The following TIMD4 variants were observed in gnomAD, a reference collection of about 807,000 sequenced individuals.
TIMD4 encodes T-cell immunoglobulin and mucin domain-containing protein 4.
Under a neutral mutation model 41.2 loss-of-function variants are expected in TIMD4, and 31 were observed. That is an observed-to-expected ratio of 0.75 (90% CI 0.57 to 1.01). The LOEUF (loss-of-function observed/expected upper bound fraction) is 1.01, where lower values mean the gene tolerates loss of function less well. Ranked by LOEUF, TIMD4 falls within the 50% of genes least tolerant of loss-of-function variation. TIMD4 has a pLI of 0.00. For synonymous variants in TIMD4, 204 were observed against 177.1 expected (o/e 1.15, Z -1.21); for missense variants, 479 against 472.5 (o/e 1.01, Z -0.13).
intron 5 of TIMD4, among the ~76,000 whole-genome samples, chr5:156,937,677 G>A (rs1036105938): frequency 3.3e-5 from 5 of 152,068 alleles, no homozygotes; most frequent in Admixed American, 6.5e-5. Context: ...ATCTTATTTG[G>A]TTGACATTTC....
intron 5 of TIMD4, among the ~76,000 whole-genome samples, chr5:156,930,747 C>T (rs973087773): frequency 2.0e-5 from 3 of 152,280 alleles, no homozygotes; most frequent in Admixed American, 6.5e-5. Flanking sequence ...AACAAGAATA[C>T]ATTATTTTTC....
rs1759503688 is a variant in TIMD4 at position 156,934,449 on chromosome 5, TTTG to T, written c.845-8140_845-8138del. Among the ~76,000 whole-genome samples, 6 of 146,142 alleles carry T rather than the reference TTTG, an allele frequency of 4.1e-5. No homozygotes were observed. The South Asian group carries it at 1.3e-3, about 30-fold the overall frequency. ...GTGTGTGGTTTTTTTTGTTTGTTTGTTTGTTTTGTTTTGTTTTGTTTTGGTAGA... is the reference window on the plus strand; with the variant it reads ...GTGTGTGGTTTTTTTTGTTTGTTTGTTTTTGTTTTGTTTTGTTTTGGTAGA... On this transcript the variant is annotated intron_variant, in intron 5 of 8. Transcript: ENST00000274532.
intron 6 of TIMD4, chr5:156,924,681 G>A: frequency 1.7e-5 from 3 of 173,528 alleles, no homozygotes; most frequent in Admixed American, 6.2e-5. Context: ...TCTAAAGCCA[G>A]GAAATGTGAG....
intron 7 of TIMD4, among the ~76,000 whole-genome samples, chr5:156,921,501 TCTCAGCTA>T (rs1759237965): frequency 6.6e-6 from 1 of 150,786 alleles, no homozygotes; most frequent in Admixed American, 6.6e-5. Context: ...GAACCTGTAG[TCTCAGCTA>T]CTCAGGAGGC....
chr5:156,924,999 A>G (rs1468227317), intron 6 of TIMD4, among the ~76,000 whole-genome samples: 2 of 152,156 alleles, frequency 1.3e-5, no homozygotes, highest in Non-Finnish European at 2.9e-5. Flanking sequence ...AGTTAAAAAA[A>G]GAAAAAGAGA....
intron 5 of TIMD4, among the ~76,000 whole-genome samples, chr5:156,940,497 G>A (rs544825554): frequency 5.4e-5 from 8 of 148,438 alleles, no homozygotes; most frequent in Non-Finnish European, 8.9e-5. Context: ...CCGCCGCCCC[G>A]TCTAGGAAGT....
chr5:156,960,892 C>A (rs111710253), intron 1 of TIMD4, among the ~76,000 whole-genome samples: 1 of 152,158 alleles, frequency 6.6e-6, no homozygotes, highest in Non-Finnish European at 1.5e-5. Flanking sequence ...AAGGAGGATG[C>A]GAACTCATAG....
At chr5:156,951,908 C>T (rs976970199) in intron 2 of TIMD4, 118 bp from the exon 3 acceptor site, 26 of 1,358,522 alleles carry the variant, frequency 1.9e-5, no homozygotes, top group Admixed American at 7.7e-5. Flanking sequence ...CTGGCCTGGA[C>T]GATTGTAATG....
chr5:156,940,107 C>A (rs1302575374), intron 5 of TIMD4, among the ~76,000 whole-genome samples: 1 of 152,246 alleles, frequency 6.6e-6, no homozygotes, highest in Non-Finnish European at 1.5e-5. Context: ...CAGGCGCGTG[C>A]CGCCAGGCCT....
At chr5:156,937,636 T>C (rs1294124170) in intron 5 of TIMD4, among the ~76,000 whole-genome samples, 2 of 152,224 alleles carry the variant, frequency 1.3e-5, no homozygotes, top group East Asian at 3.8e-4. Flanking sequence ...TACATGGACA[T>C]ACCTCTTTTA....
Position 156,951,497 on chromosome 5 carries a change from G to A in TIMD4, c.679+15C>T, listed in dbSNP as rs767774080. ...GACAGCACTGTTCTAAGAAACCCAA[G>A]ATACATCTGCGTACCTGCAGTGAGG... On this transcript the variant is annotated intron_variant, in intron 3 of 8. Coordinates refer to ENST00000274532, the MANE Select transcript of TIMD4 (RefSeq NM_138379.3). 3 of 1,613,762 alleles carry A rather than the reference G, an allele frequency of 1.9e-6. No individual in the cohort carries two copies. Among genetic ancestry groups the A allele is most frequent in the Non-Finnish European group, 2.5e-6 (3 of 1,179,812 alleles).
chr5:156,922,318 C>G, intron 6 of TIMD4, 102 bp from the exon 7 acceptor site: 1 of 897,846 alleles, frequency 1.1e-6, no homozygotes, highest in South Asian at 1.4e-5. Flanking sequence ...CCAGCAGTTT[C>G]ACTACATTTC....
intron 6 of TIMD4, chr5:156,924,561 A>G (rs1759311248): frequency 3.1e-6 from 1 of 325,612 alleles, no homozygotes; most frequent in South Asian, 3.2e-5. Flanking sequence ...AGCAGCCTCT[A>G]TCCATTATCC....
chr5:156,931,163 A>C (rs1759439168), intron 5 of TIMD4, among the ~76,000 whole-genome samples: 1 of 152,240 alleles, frequency 6.6e-6, no homozygotes, highest in Non-Finnish European at 1.5e-5. Context: ...TAGAAAAAGC[A>C]AAGAAACAAA....
At chr5:156,948,350 T>G in intron 5 of TIMD4, 66 bp downstream of exon 5, 15 of 916,180 alleles carry the variant, frequency 1.6e-5, no homozygotes, top group Non-Finnish European at 1.5e-5. Flanking sequence ...CAAGATTCTG[T>G]CTAAAAAAAA....
At chr5:156,927,640 A>AAG (rs1265431585) in intron 5 of TIMD4, among the ~76,000 whole-genome samples, 10 of 152,240 alleles carry the variant, frequency 6.6e-5, no homozygotes, top group Middle Eastern at 3.4e-3. Flanking sequence ...AGTAAAACCA[A>AAG]AGAGAGAGAG....
At chr5:156,936,964 C>T (rs1027182620) in intron 5 of TIMD4, among the ~76,000 whole-genome samples, 17 of 151,244 alleles carry the variant, frequency 1.1e-4, no homozygotes, top group Admixed American at 1.1e-3. Flanking sequence ...AAATGAAACC[C>T]CAGTCCTGTA....
intron 5 of TIMD4, among the ~76,000 whole-genome samples, chr5:156,936,683 G>A (rs187696165): frequency 1.2e-3 from 190 of 152,042 alleles, no homozygotes; most frequent in Admixed American, 2.6e-3. Flanking sequence ...TTGGGAGGCC[G>A]AGGTGGGCAG....
Position 156,919,475 on chromosome 5 carries a change from G to A in TIMD4, c.1119C>T (p.Asp373=), listed in dbSNP as rs567822622. Residue 373 remains aspartate, a synonymous_variant, in exon 9 of 9, where the codon GAC becomes GAT. Coordinates refer to ENST00000274532, the MANE Select transcript of TIMD4 (RefSeq NM_138379.3). ...TGCGTTGTTAGAGGGTAAAAAGGCCGTCTTCGTCTTCCCTTCCATGCTGCA... is the reference window on the plus strand; with the variant it reads ...TGCGTTGTTAGAGGGTAAAAAGGCCATCTTCGTCTTCCCTTCCATGCTGCA... ...NDVQHGREDE[D]GLFTL 135 of 1,614,002 alleles carry A rather than the reference G, an allele frequency of 8.4e-5. No individual in the cohort carries two copies. The Admixed American group carries it at 1.6e-3, about 19-fold the overall frequency.
Sources: allele counts gnomAD v4.1 joint callset (sites outside exome capture counted in the v4.1 genomes callset), GRCh38; gene constraint gnomAD v4.1.1; transcripts MANE v1.5; gene names NCBI Gene and HGNC (gene_info 2026-07-23, HGNC 2026-07-21).